ZNF618: variants seen among roughly 807,000 people sequenced by gnomAD.
ZNF618 encodes neural precursor cell expressed, developmentally down-regulated 10.
In ZNF618, 34 loss-of-function variants were observed where a neutral mutation model predicts 103.0. The ratio of observed to expected loss-of-function variants is 0.33; its 90% confidence interval spans 0.25 to 0.44. The LOEUF (loss-of-function observed/expected upper bound fraction) is 0.44. ZNF618 is among the 20% of genes least tolerant of loss of function. The pLI, the probability that ZNF618 is intolerant of heterozygous loss-of-function variation, is 1.00. For missense variants in ZNF618, 1,059 were observed against 1,295.4 expected, an observed-to-expected ratio of 0.82 and a Z score of 2.80; for synonymous variants, 551 against 542.2, an observed-to-expected ratio of 1.02 and a Z score of -0.23.
chr9:113,882,417 C>T (rs887194134), intron 1 of ZNF618, among the ~76,000 whole-genome samples: 1 of 152,170 alleles, frequency 6.6e-6, no homozygotes. Context: ...TGGAGACTCT[C>T]AGCCGGTCTG....
chr9:114,002,623 GAC>G lies in ZNF618; in HGVS notation c.514_515del (p.Thr172ArgfsTer19). On this transcript the variant is annotated frameshift_variant and splice_region_variant, in exon 6 of 15. Transcript: ENST00000374126. LOFTEE classifies it high-confidence loss of function. ...CFQTHVRAHR[D>X]TEATSGEGAS... Reference sequence around the variant, plus strand: ...CCATCCCTCTCTCTCTCTCTTTGCAGACACCGAAGCCACCTCAGGGGAGGGAG... The same window carrying G: ...CCATCCCTCTCTCTCTCTCTTTGCAGACCGAAGCCACCTCAGGGGAGGGAG... The G allele has an allele frequency of 6.2e-7, 1 of 1,610,240 alleles. No homozygotes were observed. Among genetic ancestry groups the G allele is most frequent in the Non-Finnish European group, 8.5e-7 (1 of 1,179,586 alleles).
rs574028422 is a variant in ZNF618, at chr9:113,896,025, A to G, written c.33+19612A>G. On this transcript the variant is annotated intron_variant, in intron 1 of 14. Coordinates refer to ENST00000374126, the MANE Select transcript of ZNF618 (RefSeq NM_001318042.2). ...TTAAGAATGTCCTCTGTATGGTTCT[A>G]TTTCCTAAACTGATTTTTTTTGTAG... Among the ~76,000 whole-genome samples the G allele has an allele frequency of 1.3e-4, 19 of 150,822 alleles. No homozygotes were observed. In the South Asian group the frequency reaches 3.8e-3, roughly 30 times the overall value.
At chr9:114,005,391 G>T (rs980461950) in intron 6 of ZNF618, among the ~76,000 whole-genome samples, 7 of 152,158 alleles carry the variant, frequency 4.6e-5, no homozygotes, top group African/African-American at 7.2e-5. Flanking sequence ...ACCTGGGAGC[G>T]GGCTCCCCAT....
intron 7 of ZNF618, 29 bp from the exon 8 acceptor site, chr9:114,008,315 T>G (rs534928279): frequency 5.4e-5 from 87 of 1,612,692 alleles, no homozygotes; most frequent in Middle Eastern, 3.9e-4. Flanking sequence ...TCTTTCCTTC[T>G]GCGGCTGCCG....
At position 114,050,444 on chromosome 9, in the gene ZNF618, A is replaced by ACG. The variant is rs1554769370; in HGVS notation, c.*278_*279insGC. On this transcript the variant is annotated 3_prime_UTR_variant, in exon 15 of 15. Transcript: ENST00000374126. ...GGCCAGAGAAACTTTGCACACACGC[A>ACG]CACACACACACACACACACACACAC... The ACG allele has an allele frequency of 7.8e-5, 9 of 114,942 alleles. No homozygotes were observed. The highest frequency in any genetic ancestry group is 2.0e-4 in the East Asian group (1 of 4,928). 7.1% of individuals were successfully genotyped at this position (114,942 alleles called of 1,614,324 possible). A position where few individuals can be genotyped will look rare whatever the true frequency, so the allele number is the denominator to read the frequency against.
At position 113,998,283 on chromosome 9, in the gene ZNF618, C is replaced by A; in HGVS notation, c.362C>A (p.Pro121His). The A allele has an allele frequency of 3.2e-6, 5 of 1,550,608 alleles. No individual in the cohort carries two copies. Among genetic ancestry groups the A allele is most frequent in the Non-Finnish European group, 4.4e-6 (5 of 1,147,002 alleles). ...GATGGAAAAGCGCCCGAAGGCAGCC[C>A]CCACGGTGGATCTGTGCGAAGCCGG... is the stretch of plus-strand genomic sequence containing the variant. ...TLDGKAPEGS[P>H]HGGSVRSRYS... Residue 121 changes from proline to histidine, a missense_variant, in exon 4 of 15, where the codon CCC becomes CAC. This residue lies in a region of ZNF618 where 194 missense variants were observed against 209.0 expected (regional missense o/e 0.93). Transcript: ENST00000374126.
At chr9:113,997,637 T>C (rs1840747724) in intron 3 of ZNF618, among the ~76,000 whole-genome samples, 1 of 152,184 alleles carries the variant, frequency 6.6e-6, no homozygotes, top group Non-Finnish European at 1.5e-5. Flanking sequence ...CTGGGCGAAA[T>C]GCTGCACACA....
At chr9:113,919,605 CCGGCTG>C (rs1475224796) in intron 1 of ZNF618, among the ~76,000 whole-genome samples, 1 of 152,202 alleles carries the variant, frequency 6.6e-6, no homozygotes, top group Non-Finnish European at 1.5e-5. Context: ...GGCCCCTGGG[CCGGCTG>C]CTGCTGGTGT....
At chr9:113,976,277 T>C (rs1404273587) in intron 2 of ZNF618, among the ~76,000 whole-genome samples, 3 of 152,216 alleles carry the variant, frequency 2.0e-5, no homozygotes, top group Admixed American at 6.5e-5. Context: ...CCCCCACATG[T>C]GCTTCTTGAG....
Position 114,049,160 on chromosome 9 carries a change from C to T in ZNF618, c.1858C>T (p.Arg620Trp), listed in dbSNP as rs780831621. The stretch of plus-strand genomic sequence containing the variant: ...CAGGACAGTGTACGTGACGGATTGC[C>T]GGGTGAGCACGTCCGCCTTCTCCAA... Reference protein sequence around the residue: ...EIRTVYVTDCRVSTSAFSKAG... With the variant: ...EIRTVYVTDCWVSTSAFSKAG... The change falls in exon 15 of 15, where the codon CGG (arginine) becomes TGG (tryptophan). Residue 620 changes from arginine (R) to tryptophan (W), a missense_variant. Physicochemically the swap from Arg to Trp is moderately radical, Grantham distance 101. Around this residue, in one of 6 missense-constraint regions of ZNF618, gnomAD observed 272 missense variants for 380.1 expected, o/e 0.72. Transcript: ENST00000374126. The T allele has an allele frequency of 6.2e-6, 10 of 1,613,830 alleles. No homozygotes were observed. Among genetic ancestry groups the T allele is most frequent in the South Asian group, 3.3e-5 (3 of 91,080 alleles).
intron 1 of ZNF618, among the ~76,000 whole-genome samples, chr9:113,938,871 G>A (rs144942304): frequency 9.2e-5 from 14 of 152,160 alleles, no homozygotes; most frequent in African/African-American, 3.1e-4. Flanking sequence ...CATCCGTTCC[G>A]TCCCATTATA....
intron 9 of ZNF618, among the ~76,000 whole-genome samples, chr9:114,013,436 T>C (rs1842414385): frequency 6.6e-6 from 1 of 152,176 alleles, no homozygotes; most frequent in African/African-American, 2.4e-5. Context: ...TTATTTTTTA[T>C]TTTTTATTTT....
intron 9 of ZNF618, among the ~76,000 whole-genome samples, chr9:114,010,512 C>T (rs1842143914): frequency 6.6e-6 from 1 of 151,996 alleles, no homozygotes; most frequent in African/African-American, 2.4e-5. Context: ...TGAGACCATC[C>T]TGGCCAACAT....
At chr9:114,025,003 G>T (rs1843376549) in intron 10 of ZNF618, among the ~76,000 whole-genome samples, 1 of 152,162 alleles carries the variant, frequency 6.6e-6, no homozygotes. Context: ...CCCAAGCAGA[G>T]AGCTAGAGTG....
chr9:114,024,660 T>C (rs1457017432), intron 10 of ZNF618, among the ~76,000 whole-genome samples: 1 of 152,122 alleles, frequency 6.6e-6, no homozygotes, highest in Non-Finnish European at 1.5e-5. Context: ...CTCGCCTCTC[T>C]GGCTAGGGGG....
intron 1 of ZNF618, among the ~76,000 whole-genome samples, chr9:113,930,589 G>A (rs895274839): frequency 6.6e-6 from 1 of 152,216 alleles, no homozygotes; most frequent in Non-Finnish European, 1.5e-5. Context: ...CTGGTGCCCC[G>A]TGAAGATGAA....
At chr9:114,029,434 T>A (rs1843806027) in intron 11 of ZNF618, among the ~76,000 whole-genome samples, 1 of 152,126 alleles carries the variant, frequency 6.6e-6, no homozygotes, top group Non-Finnish European at 1.5e-5. Context: ...CCTCCTTGAG[T>A]AGAGTGTGTG....
intron 1 of ZNF618, among the ~76,000 whole-genome samples, chr9:113,885,895 A>C (rs767321405): frequency 2.0e-5 from 3 of 152,342 alleles, no homozygotes; most frequent in Admixed American, 6.5e-5. Context: ...GACAAAGCAG[A>C]ATGAGGCTTT....
chr9:114,019,207 A>C (rs527241787), intron 10 of ZNF618, among the ~76,000 whole-genome samples: 1 of 152,320 alleles, frequency 6.6e-6, no homozygotes, highest in African/African-American at 2.4e-5. Flanking sequence ...ACTTCTGAGC[A>C]ATGTTCTATT....
Sources: allele counts gnomAD v4.1 joint callset (sites outside exome capture counted in the v4.1 genomes callset), GRCh38; gene constraint gnomAD v4.1.1; regional missense constraint gnomAD v4.1.1; transcripts MANE v1.5; gene names NCBI Gene and HGNC (gene_info 2026-07-23, HGNC 2026-07-21).